Variants in MYO5B observed in about 807,000 individuals in gnomAD.
The protein encoded by MYO5B is unconventional myosin-Vb.
A neutral mutation model predicts 229.3 loss-of-function variants in MYO5B; 143 were observed. That is an observed-to-expected ratio of 0.62 (90% confidence interval 0.54 to 0.72). The LOEUF is 0.72. Among genes scored for constraint, MYO5B ranks in the 30% least tolerant of loss-of-function variants. The pLI, the probability that MYO5B is intolerant of heterozygous loss-of-function variation, is 0.00. For missense variants in MYO5B, 2,321 were observed against 2,331.0 expected (o/e 1.00, Z 0.09); for synonymous variants, 918 against 885.2 (o/e 1.04, Z -0.66).
intron 14 of MYO5B, among the ~76,000 whole-genome samples, chr18:49,944,550 A>T (rs1208729069): frequency 2.6e-5 from 4 of 152,124 alleles, no homozygotes; most frequent in African/African-American, 9.7e-5. Context: ...CCTGAACTTT[A>T]GATATGACCC....
chr18:50,071,385 A>T (rs898925344), intron 1 of MYO5B, among the ~76,000 whole-genome samples: 1 of 152,206 alleles, frequency 6.6e-6, no homozygotes, highest in Admixed American at 6.5e-5. Flanking sequence ...CAAAATGTTC[A>T]TCATGATGCC....
Position 49,987,103 on chromosome 18 carries a change from T to C in MYO5B, c.839-2278A>G, listed in dbSNP as rs143626066. ...TCATTGTCAATAGCCAAGGTCCTAC[T>C]GCCTGATGTTGCTACGAATCAGATA... On this transcript the variant is annotated intron_variant, in intron 7 of 39. Coordinates refer to ENST00000285039, the MANE Select transcript of MYO5B (RefSeq NM_001080467.3). Among the ~76,000 whole-genome samples the C allele has an allele frequency of 4.6e-3, 699 of 152,272 alleles. 1 individual carries two copies. The highest frequency in any genetic ancestry group is 0.011 in the South Asian group (55 of 4,814).
At chr18:50,038,650 T>C (rs1398661039) in intron 3 of MYO5B, among the ~76,000 whole-genome samples, 2 of 152,200 alleles carry the variant, frequency 1.3e-5, no homozygotes, top group African/African-American at 4.8e-5. Flanking sequence ...GAGCAGCATC[T>C]AGTGCTTCCT....
At chr18:50,147,580 A>ACATTGT (rs1314795398) in intron 1 of MYO5B, among the ~76,000 whole-genome samples, 1 of 152,228 alleles carries the variant, frequency 6.6e-6, no homozygotes, top group Admixed American at 6.5e-5. Context: ...AGCAAAACAG[A>ACATTGT]CATTGTGCCC....
rs1284237163 is a variant in MYO5B at position 49,900,096 on chromosome 18, A to G, written c.2811+2498T>C. Among the ~76,000 whole-genome samples the G allele has an allele frequency of 3.3e-5, 5 of 152,344 alleles. No individual in the cohort carries two copies. In the South Asian group the frequency reaches 6.2e-4, roughly 19 times the overall value. ...AAGGCCTGGGGGAGCCAGCATGTAC[A>G]CAGGGCTCCCAGCAGGGTGCAGCGG... On this transcript the variant is annotated intron_variant, in intron 21 of 39. Coordinates refer to ENST00000285039, the MANE Select transcript of MYO5B (RefSeq NM_001080467.3).
chr18:49,937,066 T>C (rs1598895436), intron 15 of MYO5B, among the ~76,000 whole-genome samples, 179 bp downstream of exon 15: 1 of 152,124 alleles, frequency 6.6e-6, no homozygotes, highest in East Asian at 1.9e-4. Flanking sequence ...GTTAGTTCCT[T>C]GTGGTGAAGG....
chr18:50,037,097 T>TGA (rs1489108548), intron 3 of MYO5B, 103 bp from the exon 4 acceptor site: 13 of 1,290,352 alleles, frequency 1.0e-5, no homozygotes, highest in Non-Finnish European at 1.1e-6. Context: ...AACCAAAGAA[T>TGA]GAGAGGGCAG....
At chr18:49,846,237 C>T (rs920183783) in intron 33 of MYO5B, among the ~76,000 whole-genome samples, 1 of 152,178 alleles carries the variant, frequency 6.6e-6, no homozygotes, top group African/African-American at 2.4e-5. Context: ...GCATTCCTCA[C>T]TTTAATGAGC....
At chr18:49,970,965 A>T (rs1283842260) in intron 10 of MYO5B, 8 of 152,248 alleles carry the variant, frequency 5.3e-5, no homozygotes. Flanking sequence ...TGCTCAAAAG[A>T]GACAAGGAGA....
At chr18:50,057,184 T>A (rs559599149) in intron 1 of MYO5B, among the ~76,000 whole-genome samples, 1 of 152,340 alleles carries the variant, frequency 6.6e-6, no homozygotes, top group Non-Finnish European at 1.5e-5. Context: ...CCTCACTTTC[T>A]CCACTATGGC....
intron 4 of MYO5B, among the ~76,000 whole-genome samples, chr18:50,035,428 C>T (rs1200195316): frequency 6.6e-6 from 1 of 151,730 alleles, no homozygotes; most frequent in Non-Finnish European, 1.5e-5. Flanking sequence ...GAAAGAGTGT[C>T]GCTGTTCTCA....
chr18:50,121,075 T>A (rs556285170), intron 1 of MYO5B, among the ~76,000 whole-genome samples: 1 of 152,296 alleles, frequency 6.6e-6, no homozygotes, highest in East Asian at 1.9e-4. Flanking sequence ...CTGAGATGCT[T>A]TCCCTTCTCC....
At chr18:50,129,981 C>T (rs577864666) in intron 1 of MYO5B, among the ~76,000 whole-genome samples, 1 of 152,326 alleles carries the variant, frequency 6.6e-6, no homozygotes, top group South Asian at 2.1e-4. Flanking sequence ...TGCAGTCTTC[C>T]TTCAAACCCT....
chr18:50,138,475 A>C (rs2032369383), intron 1 of MYO5B, among the ~76,000 whole-genome samples: 2 of 152,214 alleles, frequency 1.3e-5, no homozygotes, highest in Admixed American at 1.3e-4. Flanking sequence ...AGACTGCAGA[A>C]GAAGTGGCAG....
In MYO5B at chr18:49,872,466, G is replaced by T. The variant is rs77289592; in HGVS notation, c.3538-234C>A. On this transcript the variant is annotated intron_variant, in intron 26 of 39. Coordinates refer to ENST00000285039, the MANE Select transcript of MYO5B (RefSeq NM_001080467.3). ...CCCCACCCCCACTTTCACTCACATG[G>T]TCCCCACAGGCACTTATAGGTTGAA... Among the ~76,000 whole-genome samples the T allele has an allele frequency of 7.4e-4, 113 of 152,004 alleles. No homozygotes were observed. The East Asian group carries it at 0.011, about 15-fold the overall frequency.
At chr18:50,009,342 C>A (rs2026137446) in intron 4 of MYO5B, among the ~76,000 whole-genome samples, 1 of 152,196 alleles carries the variant, frequency 6.6e-6, no homozygotes, top group African/African-American at 2.4e-5. Flanking sequence ...TGCACCACTG[C>A]ACTCCAGCCT....
intron 1 of MYO5B, among the ~76,000 whole-genome samples, chr18:50,143,292 T>C (rs2032445766): frequency 6.6e-6 from 1 of 152,206 alleles, no homozygotes; most frequent in Non-Finnish European, 1.5e-5. Flanking sequence ...AAGGATGTTA[T>C]CTGTTTGAAA....
chr18:50,064,426 T>C (rs2030768072), intron 1 of MYO5B: 1 of 152,226 alleles, frequency 6.6e-6, no homozygotes, highest in Non-Finnish European at 1.5e-5. Flanking sequence ...TAGCTAAAAC[T>C]GTTAAAATCC....
chr18:50,122,848 C>T (rs998729964), intron 1 of MYO5B, among the ~76,000 whole-genome samples: 2 of 151,410 alleles, frequency 1.3e-5, no homozygotes, highest in Non-Finnish European at 2.9e-5. Context: ...AAATTGGAAC[C>T]CTCAGACATC....
Sources: gnomAD v4.1 joint callset for allele counts (sites outside exome capture counted in the v4.1 genomes callset) on GRCh38, gnomAD v4.1.1 for gene constraint, MANE v1.5 for transcripts, NCBI Gene and HGNC (gene_info 2026-07-23, HGNC 2026-07-21) for gene names.